Variants in PDZRN4 observed in about 807,000 individuals in gnomAD.
PDZRN4 encodes the protein PDZ domain-containing RING finger protein 4.
In PDZRN4, 70 loss-of-function variants were observed where a neutral mutation model predicts 99.0. The ratio of observed to expected loss-of-function variants is 0.71; its 90% CI spans 0.58 to 0.86. The LOEUF (loss-of-function observed/expected upper bound fraction) is 0.86. Among genes scored for constraint, PDZRN4 ranks in the 40% least tolerant of loss-of-function variants. The pLI is 0.00. For missense variants in PDZRN4, 1,474 were observed against 1,331.2 expected, an observed-to-expected ratio of 1.11 and a Z score of -1.67; for synonymous variants, 551 against 501.6, an observed-to-expected ratio of 1.10 and a Z score of -1.32.
chr12:41,517,400 T>C (rs1162714734), intron 5 of PDZRN4, among the ~76,000 whole-genome samples: 1 of 152,112 alleles, frequency 6.6e-6, no homozygotes, highest in Non-Finnish European at 1.5e-5. Context: ...TGAAAGGTTG[T>C]GTTTAAGGTG....
At chr12:41,387,760 TAA>T (rs1197637716) in intron 3 of PDZRN4, among the ~76,000 whole-genome samples, 2 of 152,160 alleles carry the variant, frequency 1.3e-5, no homozygotes, top group Middle Eastern at 3.2e-3. Flanking sequence ...TGGCTATCAT[TAA>T]AAAGTCAAAA....
At chr12:41,457,794 T>TCCAA (rs1952829305) in intron 3 of PDZRN4, among the ~76,000 whole-genome samples, 1 of 152,154 alleles carries the variant, frequency 6.6e-6, no homozygotes, top group African/African-American at 2.4e-5. Context: ...AACCCAGGGG[T>TCCAA]TGATAATGAC....
chr12:41,328,184 T>C (rs929235132), intron 3 of PDZRN4, among the ~76,000 whole-genome samples: 3 of 152,186 alleles, frequency 2.0e-5, no homozygotes, highest in African/African-American at 7.2e-5. Flanking sequence ...TTGTTTTTAA[T>C]CTTTGATCAG....
At chr12:41,308,326 A>G (rs1217654586) in intron 3 of PDZRN4, among the ~76,000 whole-genome samples, 3 of 152,272 alleles carry the variant, frequency 2.0e-5, no homozygotes, top group East Asian at 3.9e-4. Flanking sequence ...CTCTCATTTA[A>G]TTTGCACCTT....
At chr12:41,512,890 G>C (rs1938331655) in intron 5 of PDZRN4, among the ~76,000 whole-genome samples, 1 of 152,096 alleles carries the variant, frequency 6.6e-6, no homozygotes, top group African/African-American at 2.4e-5. Context: ...TTACAGGTTA[G>C]AGTGAAGCAC....
intron 3 of PDZRN4, among the ~76,000 whole-genome samples, chr12:41,373,226 A>G (rs149829190): frequency 2.4e-4 from 37 of 152,234 alleles, no homozygotes; most frequent in African/African-American, 8.4e-4. Flanking sequence ...TAAAATTGCT[A>G]ATGAAGTTTC....
At chr12:41,493,028 TAC>T (rs890767323) in intron 3 of PDZRN4, among the ~76,000 whole-genome samples, 2 of 152,208 alleles carry the variant, frequency 1.3e-5, no homozygotes, top group Non-Finnish European at 2.9e-5. Flanking sequence ...TGATTAAATA[TAC>T]AATTAATTAG....
chr12:41,484,638 C>T (rs1937739585), intron 3 of PDZRN4, among the ~76,000 whole-genome samples: 1 of 152,130 alleles, frequency 6.6e-6, no homozygotes, highest in South Asian at 2.1e-4. Context: ...TTCTATATTT[C>T]CATCTCACCT....
At chr12:41,332,802 A>G (rs527731602) in intron 3 of PDZRN4, among the ~76,000 whole-genome samples, 5 of 151,854 alleles carry the variant, frequency 3.3e-5, no homozygotes, top group South Asian at 4.2e-4. Context: ...GAGGGGGCAT[A>G]ACAAAAACAG....
intron 3 of PDZRN4, among the ~76,000 whole-genome samples, chr12:41,327,504 T>A (rs558384030): frequency 6.6e-6 from 1 of 152,324 alleles, no homozygotes; most frequent in East Asian, 1.9e-4. Flanking sequence ...GTTTTAGCTG[T>A]GAACGTCAAT....
At chr12:41,218,284 A>G (rs1950933998) in intron 3 of PDZRN4, among the ~76,000 whole-genome samples, 1 of 152,030 alleles carries the variant, frequency 6.6e-6, no homozygotes, top group Non-Finnish European at 1.5e-5. Flanking sequence ...TCCCTTGGTC[A>G]GGGGAAGGCA....
At chr12:41,421,439 T>A (rs1041250231) in intron 3 of PDZRN4, among the ~76,000 whole-genome samples, 11 of 152,240 alleles carry the variant, frequency 7.2e-5, no homozygotes, top group Non-Finnish European at 1.6e-4. Flanking sequence ...ATGATCCACC[T>A]ACCTTGGCCT....
chr12:41,275,733 G>T (rs990417897), intron 3 of PDZRN4, among the ~76,000 whole-genome samples: 1 of 152,110 alleles, frequency 6.6e-6, no homozygotes, highest in Non-Finnish European at 1.5e-5. Flanking sequence ...AAGGAGATAG[G>T]ATTCAAACCC....
intron 3 of PDZRN4, among the ~76,000 whole-genome samples, chr12:41,310,222 C>T (rs962978545): frequency 2.0e-5 from 3 of 151,852 alleles, no homozygotes; most frequent in Non-Finnish European, 2.9e-5. Context: ...TGTGAGCCAC[C>T]GCATCCAGCC....
chr12:41,366,026 T>A (rs1433628674), intron 3 of PDZRN4, among the ~76,000 whole-genome samples: 1 of 152,098 alleles, frequency 6.6e-6, no homozygotes, highest in Non-Finnish European at 1.5e-5. Flanking sequence ...GAGGCCAAGA[T>A]AAATTTCTGC....
intron 3 of PDZRN4, among the ~76,000 whole-genome samples, chr12:41,468,354 C>T (rs552595145): frequency 6.6e-6 from 1 of 152,212 alleles, no homozygotes; most frequent in East Asian, 1.9e-4. Context: ...TCTTTCTCAC[C>T]CATACATAGG....
intron 3 of PDZRN4, among the ~76,000 whole-genome samples, chr12:41,403,697 A>T (rs1253143029): frequency 1.3e-5 from 2 of 152,148 alleles, no homozygotes; most frequent in Non-Finnish European, 2.9e-5. Flanking sequence ...TGTTTTTCTG[A>T]CAATAAGTGA....
At chr12:41,213,356 C>T (rs1035460579) in intron 3 of PDZRN4, among the ~76,000 whole-genome samples, 3 of 151,998 alleles carry the variant, frequency 2.0e-5, no homozygotes, top group Non-Finnish European at 4.4e-5. Context: ...AGAAAACCCA[C>T]GGCTTCAACA....
Position 41,188,407 on chromosome 12 carries a change from G to A in PDZRN4, c.-49G>A. ...TGGCCCGGGGAAGGCAGGGGGGCTC[G>A]GAGAAGACGGACTCTGCTTTCGCTC... On this transcript the variant is annotated 5_prime_UTR_variant, in exon 1 of 10. Coordinates refer to ENST00000402685, the MANE Select transcript of PDZRN4 (RefSeq NM_001164595.2). The A allele has an allele frequency of 2.7e-6, 4 of 1,460,624 alleles. No individual in the cohort carries two copies. Among genetic ancestry groups the A allele is most frequent in the Admixed American group, 2.3e-5 (1 of 43,596 alleles). The allele number at this position is 1,460,624 out of a possible 1,614,324, so 90.5% of individuals were successfully genotyped here. A position where few individuals can be genotyped will look rare whatever the true frequency, so the allele number is the denominator to read the frequency against.
Sources: allele counts gnomAD v4.1 joint callset (sites outside exome capture counted in the v4.1 genomes callset), GRCh38; gene constraint gnomAD v4.1.1; transcripts MANE v1.5; gene names NCBI Gene and HGNC (gene_info 2026-07-23, HGNC 2026-07-21).